Variants in FAM83F observed in about 807,000 individuals in gnomAD.
The protein encoded by FAM83F is scaffolding CK1 anchoring protein F, also known as protein FAM83F.
Under a neutral mutation model 42.9 loss-of-function variants are expected in FAM83F, and 45 were observed. That is an observed-to-expected ratio of 1.05 (90% CI 0.83 to 1.35). The LOEUF (loss-of-function observed/expected upper bound fraction) is 1.35, where lower values mean the gene tolerates loss of function less well. Among genes scored for constraint, FAM83F ranks in the 40% most tolerant of loss-of-function variants. The pLI is 0.00. For missense variants in FAM83F, 617 were observed against 695.9 expected, an observed-to-expected ratio of 0.89 and a Z score of 1.28; for synonymous variants, 306 against 298.3, an observed-to-expected ratio of 1.03 and a Z score of -0.27.
chr22:40,019,889 C>G lies in FAM83F; in HGVS notation c.660C>G (p.Asn220Lys). The G allele has an allele frequency of 6.2e-7, 1 of 1,609,664 alleles. No individual in the cohort carries two copies. Among genetic ancestry groups the G allele is most frequent in the South Asian group, 1.1e-5 (1 of 90,440 alleles). The change falls in exon 3 of 5, where the codon AAC (asparagine) becomes AAG (lysine). Residue 220 changes from asparagine (N) to lysine (K), a missense_variant and splice_region_variant. By Grantham distance (94) the Asn-to-Lys change is moderately conservative. Transcript: ENST00000333407. ...GGGCCTTCTGCTCTTCCCAACAGAA[C>G]ATCCGTGTCCGCTCTGTGACAGGCG... is the stretch of plus-strand genomic sequence containing the variant. ...DLQLTDFRIR[N>K]IRVRSVTGVG...
At chr22:40,029,349 T>C (rs1478650535) in intron 4 of FAM83F, among the ~76,000 whole-genome samples, 167 bp from the exon 5 acceptor site, 1 of 152,018 alleles carries the variant, frequency 6.6e-6, no homozygotes, top group Non-Finnish European at 1.5e-5. Flanking sequence ...CCTTCTACTT[T>C]CCCGGGTGCC....
intron 4 of FAM83F, among the ~76,000 whole-genome samples, chr22:40,025,453 A>C (rs2067546541): frequency 6.6e-6 from 1 of 152,156 alleles, no homozygotes; most frequent in Admixed American, 6.5e-5. Flanking sequence ...AAATTTTAAA[A>C]TGCAACAAAT....
In FAM83F at chr22:40,033,084, ATTGTT is replaced by A. The variant is rs1260306762; in HGVS notation, c.*3527_*3531del. On this transcript the variant is annotated 3_prime_UTR_variant, in exon 5 of 5. Coordinates refer to ENST00000333407, the MANE Select transcript of FAM83F (RefSeq NM_138435.4). ...GGTTGTATGATGAGAAGCGCAAGTA[ATTGTT>A]TTGTTTTTTTTTTGAGACAATGTCT... 3 of 149,916 alleles carry A rather than the reference ATTGTT, an allele frequency of 2.0e-5. No individual in the cohort carries two copies. The highest frequency in any genetic ancestry group is 7.3e-5 in the African/African-American group (3 of 41,106). 9.3% of individuals were successfully genotyped at this position (149,916 alleles called of 1,614,324 possible). A position where few individuals can be genotyped will look rare whatever the true frequency, so the allele number is the denominator to read the frequency against.
At chr22:40,008,902 G>A (rs1366238304) in intron 1 of FAM83F, among the ~76,000 whole-genome samples, 1 of 152,172 alleles carries the variant, frequency 6.6e-6, no homozygotes, top group Non-Finnish European at 1.5e-5. Context: ...GGAAAGGGAA[G>A]AATTGCCCTC....
rs1460742753 is a variant in FAM83F at position 40,031,003 on chromosome 22, A to G, written c.*1438A>G. On this transcript the variant is annotated 3_prime_UTR_variant, in exon 5 of 5. Transcript: ENST00000333407. ...TCTGAGGAAGCAGGAAGTGGGGACC[A>G]CATGTGGCGGCCATTGAGGAGATGC... The G allele has an allele frequency of 6.6e-6, 1 of 152,096 alleles. No individual in the cohort carries two copies. Among genetic ancestry groups the G allele is most frequent in the Non-Finnish European group, 1.5e-5 (1 of 68,060 alleles). The allele number at this position is 152,096 out of a possible 1,614,324, so 9.4% of individuals were successfully genotyped here.
In FAM83F at chr22:40,036,371, A is replaced by C. The variant is rs1351985552; in HGVS notation, c.*6806A>C. 1 of 152,176 alleles carries C rather than the reference A, an allele frequency of 6.6e-6. No individual in the cohort carries two copies. The highest frequency in any genetic ancestry group is 1.5e-5 in the Non-Finnish European group (1 of 68,036). 9.4% of individuals were successfully genotyped at this position (152,176 alleles called of 1,614,324 possible). A position where few individuals can be genotyped will look rare whatever the true frequency, so the allele number is the denominator to read the frequency against. On this transcript the variant is annotated 3_prime_UTR_variant, in exon 5 of 5. Transcript: ENST00000333407. Reference sequence around the variant, plus strand: ...CAGAAAGGGAGAGAAAACCTGCCAGAGATGCCATTTCGGAGCCACTCTGCT... The same window carrying C: ...CAGAAAGGGAGAGAAAACCTGCCAGCGATGCCATTTCGGAGCCACTCTGCT...
In FAM83F at chr22:39,995,540, C is replaced by T; in HGVS notation, c.489+9C>T. On this transcript the variant is annotated intron_variant, in intron 1 of 4. Coordinates refer to ENST00000333407, the MANE Select transcript of FAM83F (RefSeq NM_138435.4). The surrounding 1 kb of genome is among the most constrained non-coding windows in gnomAD (Gnocchi z 4.6). ...TCCAACAGGCCCAGAAGGTAGGCCC[C>T]CGCCTTCGCCCCCACACCGCTGGGA... 1 of 1,543,634 alleles carries T rather than the reference C, an allele frequency of 6.5e-7. No individual in the cohort carries two copies. The highest frequency in any genetic ancestry group is 8.8e-7 in the Non-Finnish European group (1 of 1,140,508).
chr22:40,036,337 A>G lies in FAM83F; in HGVS notation c.*6772A>G, dbSNP rs2067623770. ...TAGCTACCACACCTGGCCAAGGCCC[A>G]GGTTTCGACAGAAAGGGAGAGAAAA... is the stretch of plus-strand genomic sequence containing the variant. On this transcript the variant is annotated 3_prime_UTR_variant, in exon 5 of 5. Coordinates refer to ENST00000333407, the MANE Select transcript of FAM83F (RefSeq NM_138435.4). 6.6e-6 allele frequency: 1 copy of G among 152,194 alleles called. No homozygotes were observed. The highest frequency in any genetic ancestry group is 2.4e-5 in the African/African-American group (1 of 41,456). 9.4% of individuals were successfully genotyped at this position (152,194 alleles called of 1,614,324 possible).
At chr22:40,002,337 A>C (rs2067406724) in intron 1 of FAM83F, among the ~76,000 whole-genome samples, 1 of 152,142 alleles carries the variant, frequency 6.6e-6, no homozygotes, top group Non-Finnish European at 1.5e-5. Context: ...CCCTGATGTA[A>C]TCATTGCCTT....
At position 40,040,210 on chromosome 22, in the gene FAM83F, C is replaced by G. The variant is rs1298870295; in HGVS notation, c.*10645C>G. The G allele has an allele frequency of 6.6e-6, 1 of 152,262 alleles. No individual in the cohort carries two copies. Among genetic ancestry groups the G allele is most frequent in the East Asian group, 1.9e-4 (1 of 5,206 alleles). The allele number at this position is 152,262 out of a possible 1,614,324, so 9.4% of individuals were successfully genotyped here. A position where few individuals can be genotyped will look rare whatever the true frequency, so the allele number is the denominator to read the frequency against. The stretch of plus-strand genomic sequence containing the variant: ...CATTGAGGGCTGGTCATCTCCCCAG[C>G]TGCACTGTGGGGTTCCCAAGTCAGA... On this transcript the variant is annotated 3_prime_UTR_variant, in exon 5 of 5. Transcript: ENST00000333407.
chr22:40,021,189 A>G lies in FAM83F; in HGVS notation c.780-101A>G, dbSNP rs2067517751. On this transcript the variant is annotated intron_variant, in intron 3 of 4. Coordinates refer to ENST00000333407, the MANE Select transcript of FAM83F (RefSeq NM_138435.4). The surrounding 1 kb of genome is among the most constrained non-coding windows in gnomAD (Gnocchi z 8.7). ...GGCCCACAAGGAGCCGTACACCTGC[A>G]GCAAGGGTCTGGCCACAGCGGAGGG... 2 of 1,336,074 alleles carry G rather than the reference A, an allele frequency of 1.5e-6. No homozygotes were observed. Among genetic ancestry groups the G allele is most frequent in the Non-Finnish European group, 9.9e-7 (1 of 1,005,042 alleles). 82.8% of individuals were successfully genotyped at this position (1,336,074 alleles called of 1,614,324 possible).
chr22:39,999,433 C>T (rs959957601), intron 1 of FAM83F, among the ~76,000 whole-genome samples: 33 of 152,166 alleles, frequency 2.2e-4, no homozygotes, highest in African/African-American at 8.0e-4. Flanking sequence ...AAAGATTGAC[C>T]CTTGACCCCC....
At chr22:39,996,503 C>T (rs1254091553) in intron 1 of FAM83F, among the ~76,000 whole-genome samples, 2 of 152,202 alleles carry the variant, frequency 1.3e-5, no homozygotes, top group Admixed American at 6.5e-5. Flanking sequence ...TATTTGCTAA[C>T]TCTGGCTGCC....
intron 4 of FAM83F, among the ~76,000 whole-genome samples, chr22:40,026,791 T>C (rs2145723234): frequency 6.6e-6 from 1 of 152,182 alleles, no homozygotes; most frequent in South Asian, 2.1e-4. Context: ...TGGCTGGCAG[T>C]GTGGTCTGGC....
At chr22:40,029,128 TGTGTGA>T (rs1263903167) in intron 4 of FAM83F, among the ~76,000 whole-genome samples, 4 of 123,970 alleles carry the variant, frequency 3.2e-5, no homozygotes, top group East Asian at 2.3e-4. Flanking sequence ...TGTGTGTGTG[TGTGTGA>T]AAGCAAGTTT....
chr22:40,037,686 G>A lies in FAM83F; in HGVS notation c.*8121G>A, dbSNP rs2067632996. 1 of 152,230 alleles carries A rather than the reference G, an allele frequency of 6.6e-6. No individual in the cohort carries two copies. The highest frequency in any genetic ancestry group is 1.5e-5 in the Non-Finnish European group (1 of 68,056). 9.4% of individuals were successfully genotyped at this position (152,230 alleles called of 1,614,324 possible). On this transcript the variant is annotated 3_prime_UTR_variant, in exon 5 of 5. Transcript: ENST00000333407. ...TACATAAGCACCCATCAGGTGCCAAGCCCTGTGCTGAGATGCCTGCAGAGC... is the reference window on the plus strand; with the variant it reads ...TACATAAGCACCCATCAGGTGCCAAACCCTGTGCTGAGATGCCTGCAGAGC...
chr22:40,025,061 C>T (rs12168434), intron 4 of FAM83F, among the ~76,000 whole-genome samples: 2,166 of 152,192 alleles, frequency 0.014, 49 homozygotes, highest in African/African-American at 0.05. Context: ...CTGTGCCCTC[C>T]GCACAGGCTC....
In FAM83F at chr22:40,019,295, A is replaced by C; in HGVS notation, c.617A>C (p.Glu206Ala). The change falls in exon 2 of 5, where the codon GAG (glutamate) becomes GCG (alanine). Residue 206 changes from glutamate (E) to alanine (A), a missense_variant. Coordinates refer to ENST00000333407, the MANE Select transcript of FAM83F (RefSeq NM_138435.4). ...GAGGCAGGAGTGAAGTATTTCCTGG[A>C]GATGTGTCAGGACCTGCAGCTCACT... ...LDEAGVKYFL[E>A]MCQDLQLTDF... 1.9e-6 allele frequency: 3 copies of C among 1,614,088 alleles called. No homozygotes were observed. Among genetic ancestry groups the C allele is most frequent in the Non-Finnish European group, 2.5e-6 (3 of 1,180,004 alleles).
intron 4 of FAM83F, among the ~76,000 whole-genome samples, chr22:40,024,961 C>T (rs868520146): frequency 2.0e-5 from 3 of 152,164 alleles, no homozygotes; most frequent in Admixed American, 6.5e-5. Flanking sequence ...GCTCACGGCG[C>T]ACTCTAGTGG....
Sources: allele counts gnomAD v4.1 joint callset (sites outside exome capture counted in the v4.1 genomes callset), GRCh38; gene constraint gnomAD v4.1.1; non-coding constraint Gnocchi (gnomAD v3.1); transcripts MANE v1.5; gene names NCBI Gene and HGNC (gene_info 2026-07-23, HGNC 2026-07-21).